ADAMTSL3: variants seen among roughly 807,000 people sequenced by gnomAD.
ADAMTSL3 encodes the protein ADAMTS-like protein 3.
Under a neutral mutation model 201.7 loss-of-function variants are expected in ADAMTSL3, and 128 were observed. That is an observed-to-expected ratio of 0.63 (90% confidence interval 0.55 to 0.73). ADAMTSL3 has a LOEUF of 0.73. Ranked by LOEUF, ADAMTSL3 falls within the 30% of genes least tolerant of loss-of-function variation. The pLI is 0.00. For synonymous variants in ADAMTSL3, 738 were observed against 748.4 expected (o/e 0.99, Z 0.23); for missense variants, 1,990 against 2,119.6 (o/e 0.94, Z 1.20).
chr15:83,689,603 C>T (rs551777499), intron 2 of ADAMTSL3, among the ~76,000 whole-genome samples: 1 of 152,182 alleles, frequency 6.6e-6, no homozygotes, highest in Non-Finnish European at 1.5e-5. Flanking sequence ...TGTATAAATA[C>T]ACCACGATTT....
chr15:83,926,376 G>A (rs1596415634), intron 17 of ADAMTSL3, among the ~76,000 whole-genome samples: 1 of 152,232 alleles, frequency 6.6e-6, no homozygotes, highest in East Asian at 1.9e-4. Context: ...GTCATTGGAG[G>A]GTTTGAGCAA....
At chr15:84,030,649 A>C (rs2068390663) in intron 27 of ADAMTSL3, among the ~76,000 whole-genome samples, 1 of 152,192 alleles carries the variant, frequency 6.6e-6, no homozygotes, top group Non-Finnish European at 1.5e-5. Context: ...TGCTGGAATG[A>C]ATTAAGACTT....
chr15:83,861,955 C>G (rs144445636), intron 8 of ADAMTSL3: 1 of 151,964 alleles, frequency 6.6e-6, no homozygotes, highest in Admixed American at 6.6e-5. Context: ...AACCAAGGCA[C>G]GAGAACGTGA....
chr15:83,782,254 A>T (rs2063182480), intron 4 of ADAMTSL3, among the ~76,000 whole-genome samples: 1 of 152,118 alleles, frequency 6.6e-6, no homozygotes, highest in Admixed American at 6.5e-5. Context: ...AGGTGGGTGG[A>T]TCACTTGAGG....
chr15:83,936,373 A>G (rs1414023674), intron 17 of ADAMTSL3, among the ~76,000 whole-genome samples: 2 of 150,964 alleles, frequency 1.3e-5, no homozygotes, highest in African/African-American at 5.0e-5. Flanking sequence ...AATGCTCACA[A>G]AAACACAGGA....
intron 2 of ADAMTSL3, among the ~76,000 whole-genome samples, chr15:83,666,760 T>C (rs1229016178): frequency 2.0e-5 from 3 of 151,826 alleles, no homozygotes; most frequent in African/African-American, 7.3e-5. Context: ...AGAGGATCAC[T>C]TGAATTTGGG....
At chr15:83,891,157 A>G (rs1406607804) in intron 11 of ADAMTSL3, 172 bp from the exon 12 acceptor site, 3 of 538,174 alleles carry the variant, frequency 5.6e-6, no homozygotes, top group Non-Finnish European at 9.8e-6. Context: ...GATATTCTTG[A>G]CAACTAAAGA....
chr15:83,924,410 A>G (rs1245218300), intron 17 of ADAMTSL3, among the ~76,000 whole-genome samples: 1 of 152,196 alleles, frequency 6.6e-6, no homozygotes, highest in Non-Finnish European at 1.5e-5. Context: ...TAACATTGGT[A>G]CACAGTAGGT....
At chr15:83,693,755 A>G (rs1567076974) in intron 2 of ADAMTSL3, among the ~76,000 whole-genome samples, 1 of 152,148 alleles carries the variant, frequency 6.6e-6, no homozygotes, top group African/African-American at 2.4e-5. Context: ...AAGTTAGAAT[A>G]TGAGCTCCTT....
intron 2 of ADAMTSL3, among the ~76,000 whole-genome samples, chr15:83,697,485 A>G (rs1036852646): frequency 6.6e-6 from 1 of 152,144 alleles, no homozygotes; most frequent in East Asian, 1.9e-4. Flanking sequence ...TATCACTTAT[A>G]CTTCTGACAA....
chr15:83,688,592 T>C (rs1481648623), intron 2 of ADAMTSL3, among the ~76,000 whole-genome samples: 1 of 152,170 alleles, frequency 6.6e-6, no homozygotes, highest in Non-Finnish European at 1.5e-5. Context: ...CTTTACGTTC[T>C]TTTATTCCTA....
chr15:83,834,963 T>A (rs560612671), intron 6 of ADAMTSL3, among the ~76,000 whole-genome samples: 1 of 152,272 alleles, frequency 6.6e-6, no homozygotes, highest in South Asian at 2.1e-4. Flanking sequence ...GGCCGGGCGC[T>A]GTGGTTCACG....
At chr15:83,704,038 G>A (rs1039434903) in intron 2 of ADAMTSL3, among the ~76,000 whole-genome samples, 80 of 141,254 alleles carry the variant, frequency 5.7e-4, no homozygotes, top group African/African-American at 1.9e-3. Flanking sequence ...AAGAAGAAAA[G>A]AAAATCCTAA....
chr15:83,756,909 A>T (rs552995392), intron 3 of ADAMTSL3, among the ~76,000 whole-genome samples: 2 of 152,216 alleles, frequency 1.3e-5, no homozygotes, highest in Non-Finnish European at 2.9e-5. Flanking sequence ...TAAAGCTCCA[A>T]AATGATCTCC....
At chr15:83,824,610 T>C (rs2063979186) in intron 6 of ADAMTSL3, among the ~76,000 whole-genome samples, 1 of 152,160 alleles carries the variant, frequency 6.6e-6, no homozygotes, top group Admixed American at 6.6e-5. Context: ...TTCACTGACC[T>C]AAAAATCCTC....
In ADAMTSL3 at chr15:83,755,454, C is replaced by G. The variant is rs937426570; in HGVS notation, c.190-18069C>G. Among the ~76,000 whole-genome samples the G allele has an allele frequency of 8.6e-5, 13 of 151,180 alleles. 1 individual carries two copies. The highest frequency in any genetic ancestry group is 8.6e-4 in the Admixed American group (13 of 15,184). On this transcript the variant is annotated intron_variant, in intron 3 of 29. Transcript: ENST00000286744. ...CCCCCAGTCCCTGACAACCACCATT[C>G]TACTTTCTGTCTCTGTGAATTTGAC...
intron 4 of ADAMTSL3, among the ~76,000 whole-genome samples, chr15:83,801,668 A>T (rs1434055272): frequency 3.1e-5 from 2 of 65,070 alleles, no homozygotes; most frequent in African/African-American, 8.9e-5. Context: ...ATATATATAT[A>T]TATATATATA....
Position 84,016,507 on chromosome 15 carries a change from ATTT to A in ADAMTSL3, c.4273+10_4273+12del, listed in dbSNP as rs2068089778. 1 of 1,607,918 alleles carries A rather than the reference ATTT, an allele frequency of 6.2e-7. No individual in the cohort carries two copies. The highest frequency in any genetic ancestry group is 1.3e-5 in the African/African-American group (1 of 74,750). Reference sequence around the variant, plus strand: ...GAGAACCCCCGCCTCAAGGTCTGGGATTTTGACCTTTTCAGATTTGCTATGTGT... The same window carrying A: ...GAGAACCCCCGCCTCAAGGTCTGGGATGACCTTTTCAGATTTGCTATGTGT... On this transcript the variant is annotated intron_variant, in intron 25 of 29. Transcript: ENST00000286744.
At chr15:84,009,627 T>G (rs2067969995) in intron 23 of ADAMTSL3, among the ~76,000 whole-genome samples, 1 of 152,142 alleles carries the variant, frequency 6.6e-6, no homozygotes, top group Admixed American at 6.6e-5. Context: ...CTTCCATTGG[T>G]GAGAGAGTTA....
Sources: allele counts gnomAD v4.1 joint callset (sites outside exome capture counted in the v4.1 genomes callset), GRCh38; gene constraint gnomAD v4.1.1; transcripts MANE v1.5; gene names NCBI Gene and HGNC (gene_info 2026-07-23, HGNC 2026-07-21).